NCOR2: variants seen among roughly 807,000 people sequenced by gnomAD.
NCOR2 encodes nuclear receptor corepressor 2.
Under a neutral mutation model 262.9 loss-of-function variants are expected in NCOR2, and 81 were observed. The ratio of observed to expected loss-of-function variants is 0.31; its 90% CI spans 0.26 to 0.37. The LOEUF is 0.37. NCOR2 is among the 10% of genes least tolerant of loss of function. The pLI is 1.00. For missense variants in NCOR2, 3,385 were observed against 3,621.4 expected (o/e 0.93, Z 1.68); for synonymous variants, 1,659 against 1,559.3 (o/e 1.06, Z -1.51).
chr12:124,388,327 C>T (rs1374764475), intron 16 of NCOR2, among the ~76,000 whole-genome samples: 1 of 152,106 alleles, frequency 6.6e-6, no homozygotes, highest in East Asian at 1.9e-4. Context: ...CTGGGAAGCC[C>T]AGGCAGAGGC....
At chr12:124,500,607 A>G (rs1032964544) in intron 1 of NCOR2, among the ~76,000 whole-genome samples, 3 of 151,926 alleles carry the variant, frequency 2.0e-5, no homozygotes, top group African/African-American at 7.2e-5. Context: ...CCAGCAACGC[A>G]GTGATGCCAG....
chr12:124,558,627 A>G (rs2051964207), intron 1 of NCOR2, among the ~76,000 whole-genome samples: 1 of 152,170 alleles, frequency 6.6e-6, no homozygotes, highest in African/African-American at 2.4e-5. Context: ...GCGGGGGTCA[A>G]TGATCCACTT....
intron 13 of NCOR2, among the ~76,000 whole-genome samples, chr12:124,417,826 C>T (rs1168728477): frequency 6.6e-6 from 1 of 152,062 alleles, no homozygotes; most frequent in African/African-American, 2.4e-5. Flanking sequence ...TTTGGGAGGC[C>T]AAGGCAGGTG....
At chr12:124,360,838 C>A (rs1381094830) in intron 22 of NCOR2, among the ~76,000 whole-genome samples, 1 of 152,138 alleles carries the variant, frequency 6.6e-6, no homozygotes, top group Non-Finnish European at 1.5e-5. Flanking sequence ...TCACTCAACC[C>A]GTTTTGTTTC....
At chr12:124,377,384 C>T (rs1171910906) in intron 18 of NCOR2, among the ~76,000 whole-genome samples, 4 of 152,264 alleles carry the variant, frequency 2.6e-5, no homozygotes, top group Non-Finnish European at 2.9e-5. Flanking sequence ...ATAGAGAAAA[C>T]GGGGACACCA....
At chr12:124,490,504 C>T (rs999110841) in intron 1 of NCOR2, among the ~76,000 whole-genome samples, 3 of 152,036 alleles carry the variant, frequency 2.0e-5, no homozygotes, top group Non-Finnish European at 4.4e-5. Flanking sequence ...TGAATCTTCC[C>T]CAGCATGGGA....
chr12:124,391,588 G>C (rs913141931), intron 16 of NCOR2, among the ~76,000 whole-genome samples: 27 of 152,198 alleles, frequency 1.8e-4, no homozygotes, highest in African/African-American at 5.3e-4. Context: ...AGGACTTCCC[G>C]AACTCCTGCC....
intron 6 of NCOR2, among the ~76,000 whole-genome samples, chr12:124,451,940 G>T (rs942833380): frequency 7.0e-6 from 1 of 143,868 alleles, no homozygotes; most frequent in East Asian, 2.3e-4. Flanking sequence ...TGTAGCCCCA[G>T]ATCCCCTCCT....
intron 13 of NCOR2, among the ~76,000 whole-genome samples, chr12:124,406,342 T>C (rs1316166626): frequency 6.6e-6 from 1 of 152,188 alleles, no homozygotes; most frequent in Non-Finnish European, 1.5e-5. Context: ...ACACATCCCC[T>C]GCCAATTCCC....
chr12:124,499,036 CA>C (rs1301612811), upstream of NCOR2, among the ~76,000 whole-genome samples: 3 of 152,206 alleles, frequency 2.0e-5, no homozygotes, highest in Admixed American at 2.0e-4. Flanking sequence ...GGCAGTGATG[CA>C]AAGGTTTTGA....
intron 4 of NCOR2, among the ~76,000 whole-genome samples, chr12:124,467,134 TC>T (rs1232367846): frequency 5.5e-5 from 6 of 108,532 alleles, no homozygotes; most frequent in African/African-American, 2.2e-4. Flanking sequence ...ATCACCCTCA[TC>T]CTCATCACCC....
intron 13 of NCOR2, among the ~76,000 whole-genome samples, chr12:124,405,864 T>A (rs573822062): frequency 6.6e-6 from 1 of 152,098 alleles, no homozygotes; most frequent in Non-Finnish European, 1.5e-5. Context: ...GGCCTGTCCA[T>A]AGAGCGGCAG....
chr12:124,501,062 G>GCGCACACA (rs1555232719), intron 1 of NCOR2, among the ~76,000 whole-genome samples: 4 of 147,810 alleles, frequency 2.7e-5, no homozygotes, highest in African/African-American at 2.5e-5. Flanking sequence ...GCGCACGCGC[G>GCGCACACA]CACACACACA....
rs1406587831 is a variant in NCOR2 at position 124,355,422 on chromosome 12, T to C, written c.3381+10A>G. 4 of 1,613,186 alleles carry C rather than the reference T, an allele frequency of 2.5e-6. No homozygotes were observed. Among genetic ancestry groups the C allele is most frequent in the Non-Finnish European group, 3.4e-6 (4 of 1,179,750 alleles). ...ACTAAGCCCCCAAGAAAGGAAGGGCTACCACTCACTTGGGAGATGGCACCT... is the reference window on the plus strand; with the variant it reads ...ACTAAGCCCCCAAGAAAGGAAGGGCCACCACTCACTTGGGAGATGGCACCT... On this transcript the variant is annotated intron_variant, in intron 24 of 46. Transcript: ENST00000405201.
intron 1 of NCOR2, among the ~76,000 whole-genome samples, chr12:124,541,327 A>G (rs1219231182): frequency 5.1e-4 from 1 of 1,952 alleles, no homozygotes; most frequent in Non-Finnish European, 9.3e-4. Flanking sequence ...CTGGAGGGGG[A>G]TGGGGAGTGG....
chr12:124,457,054 C>T lies in NCOR2; in HGVS notation c.762+52G>A, dbSNP rs1349577514. ...CACCCTCCCGCCTCCCTGCCCACCT[C>T]TCCAGCCACCCCCGCCCTCCCCTGA... is the stretch of plus-strand genomic sequence containing the variant. On this transcript the variant is annotated intron_variant, in intron 6 of 46. Transcript: ENST00000405201. This position sits in a 1 kb window ranked among gnomAD's most constrained non-coding sequence, Gnocchi z 4.0. 5.2e-6 allele frequency: 5 copies of T among 966,560 alleles called. No individual in the cohort carries two copies. Among genetic ancestry groups the T allele is most frequent in the Non-Finnish European group, 7.5e-6 (5 of 662,540 alleles). 59.9% of individuals were successfully genotyped at this position (966,560 alleles called of 1,614,324 possible). A position where few individuals can be genotyped will look rare whatever the true frequency, so the allele number is the denominator to read the frequency against.
Position 124,443,022 on chromosome 12 carries a change from TC to T in NCOR2, c.816-5027del, listed in dbSNP as rs888538720. The stretch of plus-strand genomic sequence containing the variant: ...AGCTGGAACCGGCAAGGAAGCAGCC[TC>T]CCCCAGAGCCTTCTAGAGAATGTGG... On this transcript the variant is annotated intron_variant, in intron 7 of 46. Transcript: ENST00000405201. This position sits in a 1 kb window ranked among gnomAD's most constrained non-coding sequence, Gnocchi z 4.4. Among the ~76,000 whole-genome samples, 1 of 152,132 alleles carries T rather than the reference TC, an allele frequency of 6.6e-6. No homozygotes were observed. Among genetic ancestry groups the T allele is most frequent in the Admixed American group, 6.5e-5 (1 of 15,274 alleles).
chr12:124,428,043 C>CTG (rs1491282996), intron 10 of NCOR2, among the ~76,000 whole-genome samples: 15 of 41,062 alleles, frequency 3.7e-4, no homozygotes, highest in South Asian at 1.7e-3. Context: ...CCCATGTGGC[C>CTG]AGTGTGTGTG....
upstream of NCOR2, chr12:124,495,469 C>T (rs540842768): frequency 2.4e-4 from 208 of 884,930 alleles, no homozygotes; most frequent in East Asian, 3.4e-3. This position sits in a 1 kb window ranked among gnomAD's most constrained non-coding sequence, Gnocchi z 4.4. Flanking sequence ...TGAGGACACG[C>T]GAGCACCCAG....
Sources: gnomAD v4.1 joint callset for allele counts (sites outside exome capture counted in the v4.1 genomes callset) on GRCh38, gnomAD v4.1.1 for gene constraint, Gnocchi (gnomAD v3.1) non-coding constraint, MANE v1.5 for transcripts, NCBI Gene and HGNC (gene_info 2026-07-23, HGNC 2026-07-21) for gene names.